Variants in KDELR2 observed in about 807,000 individuals in gnomAD.
KDELR2 encodes the protein KDEL endoplasmic reticulum protein retention receptor 2.
In KDELR2, 15 loss-of-function variants were observed where a neutral mutation model predicts 23.9. The ratio of observed to expected loss-of-function variants is 0.63; its 90% CI spans 0.42 to 0.97. The LOEUF (loss-of-function observed/expected upper bound fraction) is 0.97. KDELR2 is among the 50% of genes least tolerant of loss of function. KDELR2 has a pLI of 0.00. For synonymous variants in KDELR2, 119 were observed against 106.2 expected, an observed-to-expected ratio of 1.12 and a Z score of -0.74; for missense variants, 272 against 254.6, an observed-to-expected ratio of 1.07 and a Z score of -0.46.
chr7:6,474,363 A>G (rs965447035), intron 1 of KDELR2, 79 bp from the exon 2 acceptor site: 23 of 975,192 alleles, frequency 2.4e-5, no homozygotes, highest in Middle Eastern at 2.1e-4. Flanking sequence ...CAGGGAGTGC[A>G]GACAGGGAAG....
At chr7:6,465,721 T>C (rs892451279) in intron 4 of KDELR2, among the ~76,000 whole-genome samples, 1 of 152,098 alleles carries the variant, frequency 6.6e-6, no homozygotes, top group Non-Finnish European at 1.5e-5. Context: ...TGTAGATTTC[T>C]AGTGACATGA....
chr7:6,481,752 CA>C (rs796391991), intron 1 of KDELR2, among the ~76,000 whole-genome samples: 1 of 151,916 alleles, frequency 6.6e-6, no homozygotes, highest in South Asian at 2.1e-4. Flanking sequence ...AACAAACAAA[CA>C]AAAAAACTAA....
chr7:6,484,089 C>T lies in KDELR2; in HGVS notation c.-32G>A. 1.4e-6 allele frequency: 2 copies of T among 1,422,556 alleles called. No homozygotes were observed. Among genetic ancestry groups the T allele is most frequent in the Non-Finnish European group, 9.3e-7 (1 of 1,077,142 alleles). The allele number at this position is 1,422,556 out of a possible 1,614,324, so 88.1% of individuals were successfully genotyped here. On this transcript the variant is annotated 5_prime_UTR_variant, in exon 1 of 5. Coordinates refer to ENST00000258739, the MANE Select transcript of KDELR2 (RefSeq NM_006854.4). ...GGCGGCGGTGGCGGTCGGCGCAGCG[C>T]GGCGGCCCCGGGGCTGGGCGGCTCA...
chr7:6,462,771 T>G lies in KDELR2; in HGVS notation c.*370A>C. The G allele has an allele frequency of 2.0e-6, 1 of 494,962 alleles. No homozygotes were observed. Among genetic ancestry groups the G allele is most frequent in the Non-Finnish European group, 3.5e-6 (1 of 283,586 alleles). The allele number at this position is 494,962 out of a possible 1,614,324, so 30.7% of individuals were successfully genotyped here. On this transcript the variant is annotated 3_prime_UTR_variant, in exon 5 of 5. Coordinates refer to ENST00000258739, the MANE Select transcript of KDELR2 (RefSeq NM_006854.4). ...CAACTGTCAAGGAGTACAATTTCAT[T>G]GCAGACACAAAGACTTAAGAGTTTC...
At chr7:6,476,743 G>A (rs954628005) in intron 1 of KDELR2, among the ~76,000 whole-genome samples, 1 of 152,084 alleles carries the variant, frequency 6.6e-6, no homozygotes, top group African/African-American at 2.4e-5. Context: ...CCCTCCCTCA[G>A]GACTGTTGAT....
At position 6,462,910 on chromosome 7, in the gene KDELR2, T is replaced by G; in HGVS notation, c.*231A>C. Reference sequence around the variant, plus strand: ...GAATTTATTAATACAGCATTAAGTTTCTTTGTGTAAAAAAATCTTTGTACA... The same window carrying G: ...GAATTTATTAATACAGCATTAAGTTGCTTTGTGTAAAAAAATCTTTGTACA... On this transcript the variant is annotated 3_prime_UTR_variant, in exon 5 of 5. Transcript: ENST00000258739. The G allele has an allele frequency of 7.1e-7, 1 of 1,416,490 alleles. No individual in the cohort carries two copies. Among genetic ancestry groups the G allele is most frequent in the Non-Finnish European group, 9.6e-7 (1 of 1,041,894 alleles). 87.7% of individuals were successfully genotyped at this position (1,416,490 alleles called of 1,614,324 possible).
rs1785414181 is a variant in KDELR2 at position 6,462,751 on chromosome 7, G to A, written c.*390C>T. 2 of 464,478 alleles carry A rather than the reference G, an allele frequency of 4.3e-6. No individual in the cohort carries two copies. Among genetic ancestry groups the A allele is most frequent in the African/African-American group, 4.0e-5 (2 of 49,790 alleles). 28.8% of individuals were successfully genotyped at this position (464,478 alleles called of 1,614,324 possible). On this transcript the variant is annotated 3_prime_UTR_variant, in exon 5 of 5. Transcript: ENST00000258739. The stretch of plus-strand genomic sequence containing the variant: ...TGGAAGAATATATAATCTATCAACT[G>A]TCAAGGAGTACAATTTCATTGCAGA...
rs750407227 is a variant in KDELR2 at position 6,463,073 on chromosome 7, G to A, written c.*68C>T. ...TGATTTTCCGTATCAAGCATCTTATGCCTTTGCTGTGGTAAGAATTCTGTC... is the reference window on the plus strand; with the variant it reads ...TGATTTTCCGTATCAAGCATCTTATACCTTTGCTGTGGTAAGAATTCTGTC... On this transcript the variant is annotated 3_prime_UTR_variant, in exon 5 of 5. Coordinates refer to ENST00000258739, the MANE Select transcript of KDELR2 (RefSeq NM_006854.4). The A allele has an allele frequency of 6.2e-7, 1 of 1,614,160 alleles. No individual in the cohort carries two copies. The highest frequency in any genetic ancestry group is 1.1e-5 in the South Asian group (1 of 91,086).
At position 6,461,321 on chromosome 7, in the gene KDELR2, G is replaced by C. The variant is rs745646244; in HGVS notation, c.*1820C>G. ...ACTGCAGAAGGAATGGCTACACAGA[G>C]CTTCCAGACCTTTCCATGCGTTGTG... On this transcript the variant is annotated 3_prime_UTR_variant, in exon 5 of 5. Coordinates refer to ENST00000258739, the MANE Select transcript of KDELR2 (RefSeq NM_006854.4). 6.6e-5 allele frequency: 10 copies of C among 152,106 alleles called. No homozygotes were observed. Among genetic ancestry groups the C allele is most frequent in the Non-Finnish European group, 1.5e-4 (10 of 68,036 alleles). The allele number at this position is 152,106 out of a possible 1,614,324, so 9.4% of individuals were successfully genotyped here.
chr7:6,467,190 G>A (rs942434284), intron 3 of KDELR2, among the ~76,000 whole-genome samples: 4 of 152,166 alleles, frequency 2.6e-5, no homozygotes, highest in African/African-American at 9.7e-5. Context: ...TCCTGCTCCA[G>A]ATCTGGGATA....
chr7:6,465,864 T>C (rs532549283), intron 4 of KDELR2, among the ~76,000 whole-genome samples: 1 of 152,272 alleles, frequency 6.6e-6, no homozygotes, highest in Non-Finnish European at 1.5e-5. Context: ...AGTGAAAATG[T>C]GTCACTTTAG....
At chr7:6,483,919 AC>A in intron 1 of KDELR2, 47 bp downstream of exon 1, 2 of 1,390,180 alleles carry the variant, frequency 1.4e-6, no homozygotes, top group Non-Finnish European at 1.9e-6. Context: ...CCTCGGCGAG[AC>A]CCGGCCCCCA....
chr7:6,473,769 T>G (rs1785701617), intron 2 of KDELR2, among the ~76,000 whole-genome samples: 2 of 152,126 alleles, frequency 1.3e-5, no homozygotes, highest in Admixed American at 6.5e-5. Context: ...AGCAGCGAAA[T>G]GAGACACTGC....
chr7:6,478,349 T>C lies in KDELR2; in HGVS notation c.92-4065A>G, dbSNP rs924579068. 6.6e-5 allele frequency among the ~76,000 whole-genome samples: 10 copies of C among 152,202 alleles called. No homozygotes were observed. The East Asian group carries it at 1.9e-3, about 29-fold the overall frequency. On this transcript the variant is annotated intron_variant, in intron 1 of 4. Transcript: ENST00000258739. The stretch of plus-strand genomic sequence containing the variant: ...TTTTTGTAGAGACAGGGTTTCACTA[T>C]GTTGCCCAGGCTGGTCTCAAGCTCC...
chr7:6,469,317 G>A (rs1446333982), intron 3 of KDELR2, among the ~76,000 whole-genome samples: 4 of 151,722 alleles, frequency 2.6e-5, no homozygotes, highest in South Asian at 2.1e-4. Flanking sequence ...GTACAATGGC[G>A]TGATCTCGGC....
Position 6,474,259 on chromosome 7 carries a change from C to G in KDELR2, c.117G>C (p.Leu39=), listed in dbSNP as rs1441668449. ...CAGISGKSQL[L]FALVFTTRYL... Reference sequence around the variant, plus strand: ...AACGAGTTGTGAAGACCAGTGCAAACAGAAGCTGGCTTTTCCCAGAAATAC... The same window carrying G: ...AACGAGTTGTGAAGACCAGTGCAAAGAGAAGCTGGCTTTTCCCAGAAATAC... The change falls in exon 2 of 5, where the codon CTG becomes CTC. Residue 39 remains leucine (L), a synonymous_variant. Transcript: ENST00000258739. 3.7e-6 allele frequency: 6 copies of G among 1,613,542 alleles called. No individual in the cohort carries two copies. Among genetic ancestry groups the G allele is most frequent in the East Asian group, 2.2e-5 (1 of 44,890 alleles).
At chr7:6,473,946 C>T (rs1217807395) in intron 2 of KDELR2, 1 of 336,878 alleles carries the variant, frequency 3.0e-6, no homozygotes, top group Non-Finnish European at 5.3e-6. Context: ...TAAAAAAGTT[C>T]TAACTTCAAA....
intron 4 of KDELR2, among the ~76,000 whole-genome samples, chr7:6,464,734 C>CTT (rs201529691): frequency 9.0e-6 from 1 of 111,218 alleles, no homozygotes; most frequent in Non-Finnish European, 1.9e-5. Context: ...TCTTTTTTTT[C>CTT]TTTTTTTTTT....
intron 2 of KDELR2, among the ~76,000 whole-genome samples, chr7:6,473,020 A>C (rs117580726): frequency 0.024 from 3,413 of 139,786 alleles, 60 homozygotes; most frequent in Middle Eastern, 0.061. Flanking sequence ...CGATCCTACC[A>C]CCTTACCCTC....
Sources: allele counts gnomAD v4.1 joint callset (sites outside exome capture counted in the v4.1 genomes callset), GRCh38; gene constraint gnomAD v4.1.1; transcripts MANE v1.5; gene names NCBI Gene and HGNC (gene_info 2026-07-23, HGNC 2026-07-21).